The following SEMA6A variants were observed in gnomAD, a reference collection of about 807,000 sequenced individuals.
The protein encoded by SEMA6A is semaphorin-6A.
Under a neutral mutation model 96.8 loss-of-function variants are expected in SEMA6A, and 25 were observed. That is an observed-to-expected ratio of 0.26 (90% CI 0.19 to 0.36). SEMA6A has a LOEUF of 0.36. Ranked by LOEUF, SEMA6A falls within the 10% of genes least tolerant of loss-of-function variation. The pLI is 1.00. For synonymous variants in SEMA6A, 612 were observed against 518.0 expected, an observed-to-expected ratio of 1.18 and a Z score of -2.46; for missense variants, 1,363 against 1,323.1, an observed-to-expected ratio of 1.03 and a Z score of -0.47.
At chr5:116,491,907 A>G in intron 6 of SEMA6A, 77 bp from the exon 7 acceptor site, 1 of 1,174,958 alleles carries the variant, frequency 8.5e-7, no homozygotes, top group Non-Finnish European at 1.3e-6. Flanking sequence ...AATTTCCAGG[A>G]TGTGACAGGC....
intron 1 of SEMA6A, among the ~76,000 whole-genome samples, chr5:116,515,809 T>G (rs1057194769): frequency 6.6e-6 from 1 of 152,192 alleles, no homozygotes. Context: ...TTCCCCAGTT[T>G]TAGAGTAGAA....
intron 4 of SEMA6A, among the ~76,000 whole-genome samples, chr5:116,496,650 T>C (rs1159356514): frequency 6.6e-6 from 1 of 152,252 alleles, no homozygotes; most frequent in Non-Finnish European, 1.5e-5. Flanking sequence ...GGATAAAATA[T>C]ATGTCCTTGC....
chr5:116,532,777 G>A (rs1344715636), intron 1 of SEMA6A, among the ~76,000 whole-genome samples: 1 of 152,062 alleles, frequency 6.6e-6, no homozygotes, highest in African/African-American at 2.4e-5. Context: ...AAAGTCCTCT[G>A]TATGTCACGG....
In SEMA6A at chr5:116,446,896, T is replaced by C. The variant is rs1296710986; in HGVS notation, c.2810A>G (p.Asn937Ser). 1 of 1,613,920 alleles carries C rather than the reference T, an allele frequency of 6.2e-7. No individual in the cohort carries two copies. Among genetic ancestry groups the C allele is most frequent in the Admixed American group, 1.7e-5 (1 of 60,022 alleles). ...AGAGGAATTGGAGGAGTTAGTGTTG[T>C]TTCTTTTGAGAGTGGTGGCCTGGTG... is the stretch of plus-strand genomic sequence containing the variant. ...RSHQATTLKR[N>S]NTNSSNSSHL... is the part of the protein sequence containing the mutation. The change falls in exon 19 of 19, where the codon AAC becomes AGC. Residue 937 changes from asparagine to serine, a missense_variant. Coordinates refer to ENST00000343348, the MANE Select transcript of SEMA6A (RefSeq NM_020796.5).
rs545989818 is a variant in SEMA6A at position 116,480,687 on chromosome 5, G to A, written c.1095-410C>T. Among the ~76,000 whole-genome samples the A allele has an allele frequency of 5.9e-5, 9 of 151,756 alleles. No homozygotes were observed. The East Asian group carries it at 1.4e-3, about 23-fold the overall frequency. ...GGGAAAGAATTAGGTTGACGTTTTC[G>A]CAAGTGTAGAAAGAAAAGACTCTCC... is the stretch of plus-strand genomic sequence containing the variant. On this transcript the variant is annotated intron_variant, in intron 11 of 18. Coordinates refer to ENST00000343348, the MANE Select transcript of SEMA6A (RefSeq NM_020796.5).
chr5:116,472,875 G>C, intron 17 of SEMA6A, 198 bp downstream of exon 17: 1 of 1,471,034 alleles, frequency 6.8e-7, no homozygotes, highest in East Asian at 2.5e-5. Context: ...AAAAAAATCC[G>C]TAAACTGACC....
intron 6 of SEMA6A, among the ~76,000 whole-genome samples, chr5:116,495,178 T>TA (rs1317693700): frequency 5.9e-5 from 9 of 152,294 alleles, no homozygotes; most frequent in African/African-American, 2.2e-4. Context: ...AAAAGGGTCT[T>TA]ACAGAAACTA....
chr5:116,537,124 T>TAC (rs982143493), intron 1 of SEMA6A, among the ~76,000 whole-genome samples: 46 of 152,174 alleles, frequency 3.0e-4, no homozygotes, highest in African/African-American at 1.1e-3. Flanking sequence ...TCGCAACAGT[T>TAC]ACACACACAT....
intron 18 of SEMA6A, among the ~76,000 whole-genome samples, chr5:116,454,790 GTGTGTGTGTGTGTGTGTGTGCA>G (rs1272767534): frequency 3.2e-3 from 9 of 2,800 alleles, no homozygotes; most frequent in Non-Finnish European, 5.3e-3. Context: ...TTTCCTTTAA[GTGTGTGTGTGTGTGTGTGTGCA>G]TGTGTGTGTG....
chr5:116,461,927 C>T (rs1755431189), intron 18 of SEMA6A, among the ~76,000 whole-genome samples: 1 of 152,070 alleles, frequency 6.6e-6, no homozygotes, highest in Admixed American at 6.6e-5. Context: ...CTTGAGACAC[C>T]TCAGAAAATG....
intron 1 of SEMA6A, among the ~76,000 whole-genome samples, chr5:116,527,090 A>T (rs1210501045): frequency 3.3e-5 from 5 of 152,176 alleles, no homozygotes; most frequent in Non-Finnish European, 5.9e-5. Context: ...ACTGAGAAAG[A>T]TATAGCTGGC....
chr5:116,524,038 A>C lies in SEMA6A; in HGVS notation c.-38-19056T>G, dbSNP rs150481862. ...TTGAAACCTACCCTCATGCCAACCC[A>C]CTTACAGAATATAATTTAATCCATT... On this transcript the variant is annotated intron_variant, in intron 1 of 18. Coordinates refer to ENST00000343348, the MANE Select transcript of SEMA6A (RefSeq NM_020796.5). Among the ~76,000 whole-genome samples, 551 of 152,284 alleles carry C rather than the reference A, an allele frequency of 3.6e-3. 9 individuals carry two copies. The highest frequency in any genetic ancestry group is 0.012 in the African/African-American group (494 of 41,568).
Position 116,509,992 on chromosome 5 carries a change from G to C in SEMA6A, c.-38-5010C>G, listed in dbSNP as rs558187496. ...AGCAGCATGTGGTTTGGAAACTCTA[G>C]GGATAATCAGCGTGTCAATGTGTGG... On this transcript the variant is annotated intron_variant, in intron 1 of 18. Coordinates refer to ENST00000343348, the MANE Select transcript of SEMA6A (RefSeq NM_020796.5). Among the ~76,000 whole-genome samples the C allele has an allele frequency of 3.3e-5, 5 of 152,166 alleles. No individual in the cohort carries two copies. In the South Asian group the frequency reaches 1.0e-3, roughly 32 times the overall value.
chr5:116,503,012 A>G (rs1020302991), intron 2 of SEMA6A, among the ~76,000 whole-genome samples: 4 of 152,186 alleles, frequency 2.6e-5, no homozygotes, highest in Admixed American at 1.3e-4. Context: ...TGACTTGGTG[A>G]GTCAATGAGC....
At chr5:116,572,149 G>T (rs1761241587) in intron 1 of SEMA6A, among the ~76,000 whole-genome samples, 1 of 152,186 alleles carries the variant, frequency 6.6e-6, no homozygotes, top group Non-Finnish European at 1.5e-5. Flanking sequence ...TCTGAGACCT[G>T]CTGGCACAAC....
rs368680094 is a variant in SEMA6A, at chr5:116,446,623, G to A, written c.3083C>T (p.Ala1028Val). 38 of 1,500,998 alleles carry A rather than the reference G, an allele frequency of 2.5e-5. No individual in the cohort carries two copies. The highest frequency in any genetic ancestry group is 5.6e-5 in the African/African-American group (4 of 71,952). The allele number at this position is 1,500,998 out of a possible 1,614,324, so 93.0% of individuals were successfully genotyped here. Residue 1028 changes from alanine (A) to valine (V), a missense_variant, in exon 19 of 19, where the codon GCG becomes GTG. By Grantham distance (64) the Ala-to-Val change is moderately conservative. Transcript: ENST00000343348. Reference protein sequence around the residue: ...PLSTSMKPNDACT With the variant: ...PLSTSMKPNDVCT Reference sequence around the variant, plus strand: ...CCCCTCCCCCTGGGATTATGTACACGCATCATTGGGCTTCATGGATGTGGA... The same window carrying A: ...CCCCTCCCCCTGGGATTATGTACACACATCATTGGGCTTCATGGATGTGGA...
intron 18 of SEMA6A, among the ~76,000 whole-genome samples, chr5:116,461,833 G>T (rs2112627842): frequency 6.6e-6 from 1 of 152,170 alleles, no homozygotes; most frequent in Admixed American, 6.5e-5. Flanking sequence ...ATATTTCTTG[G>T]ACAGGAACTA....
intron 1 of SEMA6A, among the ~76,000 whole-genome samples, chr5:116,525,553 C>T (rs764496639): frequency 2.6e-5 from 4 of 152,046 alleles, no homozygotes; most frequent in African/African-American, 4.8e-5. Flanking sequence ...TACTGTAGTT[C>T]CAATTTCCCC....
chr5:116,569,376 C>T (rs1294340846), intron 1 of SEMA6A, among the ~76,000 whole-genome samples: 1 of 152,032 alleles, frequency 6.6e-6, no homozygotes, highest in Non-Finnish European at 1.5e-5. Context: ...TTCAAGCAAG[C>T]CCAAGGGGTG....
Sources: allele counts gnomAD v4.1 joint callset (sites outside exome capture counted in the v4.1 genomes callset), GRCh38; gene constraint gnomAD v4.1.1; transcripts MANE v1.5; gene names NCBI Gene and HGNC (gene_info 2026-07-23, HGNC 2026-07-21).